Variants in KIAA0825 observed in about 807,000 individuals in gnomAD.
KIAA0825 encodes the protein KIAA0825.
KIAA0825 carries 119 observed loss-of-function variants against 147.6 expected under a neutral mutation model. The ratio of observed to expected loss-of-function variants is 0.81; its 90% CI spans 0.69 to 0.94. KIAA0825 has a LOEUF of 0.94. Among genes scored for constraint, KIAA0825 ranks in the 40% least tolerant of loss-of-function variants. KIAA0825 has a pLI of 0.00. For synonymous variants in KIAA0825, 470 were observed against 518.1 expected (o/e 0.91, Z 1.26); for missense variants, 1,381 against 1,472.7 (o/e 0.94, Z 1.02).
rs567003138 is a variant in KIAA0825, at chr5:94,388,414, C to G, written c.3457-2010G>C. Among the ~76,000 whole-genome samples the G allele has an allele frequency of 4.6e-5, 7 of 152,238 alleles. No homozygotes were observed. In the South Asian group the frequency reaches 1.5e-3, roughly 32 times the overall value. On this transcript the variant is annotated intron_variant, in intron 18 of 20. Transcript: ENST00000682413. ...CTTTAGTGTCTGATGGAGGGTCACA[C>G]ATGGACTCTTACTAAACATTGTTAA...
At chr5:94,505,765 T>A (rs1404421144) in intron 5 of KIAA0825, among the ~76,000 whole-genome samples, 1 of 152,166 alleles carries the variant, frequency 6.6e-6, no homozygotes, top group Admixed American at 6.5e-5. Context: ...ATGGGATAAA[T>A]CCTAAAATAA....
chr5:94,385,076 C>G (rs563503574), intron 19 of KIAA0825, among the ~76,000 whole-genome samples: 1 of 152,128 alleles, frequency 6.6e-6, no homozygotes, highest in South Asian at 2.1e-4. Context: ...ATTCAGAACT[C>G]AATAAAATAT....
chr5:94,510,370 T>C (rs1323210133), intron 5 of KIAA0825, among the ~76,000 whole-genome samples: 1 of 152,216 alleles, frequency 6.6e-6, no homozygotes, highest in Non-Finnish European at 1.5e-5. Flanking sequence ...GTACTTCTTA[T>C]TGTCCTGTTA....
At chr5:94,529,038 T>A (rs1769982225) in intron 3 of KIAA0825, among the ~76,000 whole-genome samples, 1 of 151,576 alleles carries the variant, frequency 6.6e-6, no homozygotes, top group South Asian at 2.1e-4. Context: ...ACAGATTAGG[T>A]CTACATCTTT....
chr5:94,501,271 A>G (rs1398378334), intron 5 of KIAA0825, among the ~76,000 whole-genome samples: 5 of 152,216 alleles, frequency 3.3e-5, no homozygotes, highest in Non-Finnish European at 7.3e-5. Context: ...ATGTATACAT[A>G]TGTCTGTATA....
At chr5:94,461,962 T>A (rs921947415) in intron 12 of KIAA0825, among the ~76,000 whole-genome samples, 29 of 151,978 alleles carry the variant, frequency 1.9e-4, no homozygotes, top group Non-Finnish European at 2.8e-4. Flanking sequence ...TTCCACATTT[T>A]AAAAATGTAA....
At chr5:94,495,469 C>T (rs1388982217) in intron 5 of KIAA0825, among the ~76,000 whole-genome samples, 6 of 152,110 alleles carry the variant, frequency 3.9e-5, no homozygotes, top group African/African-American at 1.4e-4. Context: ...CTTTTTAATT[C>T]AATAAAGATT....
chr5:94,276,923 G>A (rs972072140), intron 20 of KIAA0825, among the ~76,000 whole-genome samples: 7 of 151,964 alleles, frequency 4.6e-5, no homozygotes, highest in Non-Finnish European at 1.0e-4. Context: ...GCCTCTCTCC[G>A]CCTCTTTACT....
rs553698018 is a variant in KIAA0825, at chr5:94,561,458, TG to T, written c.-2+20974del. 2.4e-4 allele frequency among the ~76,000 whole-genome samples: 37 copies of T among 152,326 alleles called. No homozygotes were observed. The South Asian group carries it at 7.5e-3, about 31-fold the overall frequency. On this transcript the variant is annotated intron_variant, in intron 2 of 20. Coordinates refer to ENST00000682413, the MANE Select transcript of KIAA0825 (RefSeq NM_001145678.3). The stretch of plus-strand genomic sequence containing the variant: ...TCTTGTGGCAGAAGTGTGGGTCATC[TG>T]GGAAACCCACCTGCAGCTGGCACGT...
chr5:94,541,301 GT>G (rs1405945491), intron 2 of KIAA0825, among the ~76,000 whole-genome samples: 1 of 152,084 alleles, frequency 6.6e-6, no homozygotes, highest in Non-Finnish European at 1.5e-5. Context: ...ACTTACCAAG[GT>G]TTTTACCAAA....
chr5:94,180,401 A>G (rs1176948341), intron 20 of KIAA0825, among the ~76,000 whole-genome samples: 1 of 152,178 alleles, frequency 6.6e-6, no homozygotes, highest in Admixed American at 6.5e-5. Context: ...AGATATGACA[A>G]CTAAATGTAA....
chr5:94,210,037 C>A (rs984383315), intron 20 of KIAA0825, among the ~76,000 whole-genome samples: 2 of 152,178 alleles, frequency 1.3e-5, no homozygotes, highest in African/African-American at 4.8e-5. Flanking sequence ...TAAATTATTG[C>A]CATTCTCACT....
chr5:94,454,921 G>A (rs777148422), intron 12 of KIAA0825, among the ~76,000 whole-genome samples: 1 of 152,080 alleles, frequency 6.6e-6, no homozygotes, highest in Non-Finnish European at 1.5e-5. Context: ...ATCTCCTAAT[G>A]ACATGGAGTT....
At chr5:94,243,441 G>A (rs1043686905) in intron 20 of KIAA0825, among the ~76,000 whole-genome samples, 4 of 152,200 alleles carry the variant, frequency 2.6e-5, no homozygotes, top group African/African-American at 9.7e-5. Flanking sequence ...AAGTAAGGCA[G>A]TTGAAAGTTT....
intron 3 of KIAA0825, among the ~76,000 whole-genome samples, chr5:94,526,981 A>T (rs927740607): frequency 2.6e-5 from 4 of 152,038 alleles, no homozygotes; most frequent in Non-Finnish European, 5.9e-5. Flanking sequence ...GATTATATGC[A>T]AGGATGTTGC....
chr5:94,456,798 C>T (rs1759175412), intron 12 of KIAA0825, among the ~76,000 whole-genome samples: 1 of 152,052 alleles, frequency 6.6e-6, no homozygotes, highest in African/African-American at 2.4e-5. Flanking sequence ...AGTTAGAAAT[C>T]GTCCTTAAAA....
chr5:94,558,226 G>T (rs1776926280), intron 2 of KIAA0825, among the ~76,000 whole-genome samples: 1 of 152,150 alleles, frequency 6.6e-6, no homozygotes, highest in African/African-American at 2.4e-5. Context: ...CTTGGAAGCA[G>T]CCTGCCACCA....
chr5:94,484,149 A>C (rs1187020479), intron 6 of KIAA0825, among the ~76,000 whole-genome samples: 1 of 151,778 alleles, frequency 6.6e-6, no homozygotes, highest in Admixed American at 6.6e-5. Flanking sequence ...GGTTTTGTTA[A>C]GACTAAACTA....
At chr5:94,213,003 T>A (rs1354818272) in intron 20 of KIAA0825, among the ~76,000 whole-genome samples, 1 of 152,222 alleles carries the variant, frequency 6.6e-6, no homozygotes, top group African/African-American at 2.4e-5. Context: ...TTATGTACAT[T>A]ATCTCATTTA....
Sources: gnomAD v4.1 joint callset for allele counts (sites outside exome capture counted in the v4.1 genomes callset) on GRCh38, gnomAD v4.1.1 for gene constraint, MANE v1.5 for transcripts, NCBI Gene and HGNC (gene_info 2026-07-23, HGNC 2026-07-21) for gene names.